The following PHTF2 variants were observed in gnomAD, a reference collection of about 807,000 sequenced individuals.
PHTF2 encodes protein PHTF2.
In PHTF2, 60 loss-of-function variants were observed where a neutral mutation model predicts 101.2. The ratio of observed to expected loss-of-function variants is 0.59; its 90% confidence interval spans 0.48 to 0.73. The LOEUF (loss-of-function observed/expected upper bound fraction) is 0.73. Among genes scored for constraint, PHTF2 ranks in the 30% least tolerant of loss-of-function variants. PHTF2 has a pLI of 0.00. For missense variants in PHTF2, 747 were observed against 908.7 expected (o/e 0.82, Z 2.29); for synonymous variants, 311 against 307.3 (o/e 1.01, Z -0.13).
intron 2 of PHTF2, among the ~76,000 whole-genome samples, chr7:77,849,292 TTA>T (rs748338272): frequency 6.7e-6 from 1 of 150,268 alleles, no homozygotes; most frequent in Admixed American, 6.7e-5. Context: ...CCTGGCTAAT[TTA>T]TATATATATA....
intron 7 of PHTF2, among the ~76,000 whole-genome samples, chr7:77,908,371 G>A (rs1202861272): frequency 6.6e-6 from 1 of 152,152 alleles, no homozygotes; most frequent in Non-Finnish European, 1.5e-5. Context: ...TAATTCTAAG[G>A]AGATAGACCT....
chr7:77,841,074 A>ATTTTTTTTTTTTTTT (rs1562863302), intron 2 of PHTF2, among the ~76,000 whole-genome samples: 5 of 51,402 alleles, frequency 9.7e-5, no homozygotes, highest in African/African-American at 5.5e-4. Flanking sequence ...GAAAAAACAG[A>ATTTTTTTTTTTTTTT]CTTTTTTTTT....
intron 5 of PHTF2, among the ~76,000 whole-genome samples, chr7:77,899,431 A>C (rs1292643163): frequency 6.6e-6 from 1 of 152,084 alleles, no homozygotes; most frequent in African/African-American, 2.4e-5. Context: ...GGTACAAAGA[A>C]ATTTTACCAA....
intron 1 of PHTF2, among the ~76,000 whole-genome samples, chr7:77,832,865 C>G (rs545149982): frequency 5.9e-5 from 9 of 152,102 alleles, no homozygotes; most frequent in Admixed American, 2.6e-4. Context: ...GCTCTCGAAT[C>G]ATCCCAAAAC....
chr7:77,854,670 G>T (rs1055923731), intron 2 of PHTF2: 44 of 696,426 alleles, frequency 6.3e-5, no homozygotes, highest in Non-Finnish European at 1.0e-4. Flanking sequence ...TGCTGCAGTT[G>T]TGTTGGCACC....
chr7:77,858,533 A>AGAAACAGACC (rs1305679917), intron 3 of PHTF2, among the ~76,000 whole-genome samples: 1 of 152,156 alleles, frequency 6.6e-6, no homozygotes, highest in Admixed American at 6.5e-5. Flanking sequence ...AGTTTCTTTG[A>AGAAACAGACC]GAAACAGACC....
chr7:77,817,905 C>T (rs1020023429), intron 1 of PHTF2, among the ~76,000 whole-genome samples: 5 of 151,848 alleles, frequency 3.3e-5, no homozygotes, highest in Non-Finnish European at 5.9e-5. Flanking sequence ...GTCAGCAGGT[C>T]GAGACCAGCC....
chr7:77,940,145 TCA>T lies in PHTF2; in HGVS notation c.1586_1587del (p.Thr529SerfsTer15), dbSNP rs1805518389. 6.2e-7 allele frequency: 1 copy of T among 1,613,784 alleles called. No individual in the cohort carries two copies. Among genetic ancestry groups the T allele is most frequent in the African/African-American group, 1.3e-5 (1 of 74,934 alleles). ...TCTCAAGCTACAGACTTGGAACAACTCACAGCACATTCTGCTTCAGAACTTTA... is the reference window on the plus strand; with the variant it reads ...TCTCAAGCTACAGACTTGGAACAACTCAGCACATTCTGCTTCAGAACTTTA... On this transcript the variant is annotated frameshift_variant, in exon 14 of 20. Coordinates refer to ENST00000416283, the Ensembl canonical transcript of PHTF2. LOFTEE classifies it high-confidence loss of function.
At chr7:77,844,186 A>G (rs1244781717) in intron 2 of PHTF2, among the ~76,000 whole-genome samples, 1 of 151,724 alleles carries the variant, frequency 6.6e-6, no homozygotes, top group African/African-American at 2.4e-5. Flanking sequence ...TTTTGACGGG[A>G]TTTCACCATG....
chr7:77,888,450 C>T (rs1262188246), intron 3 of PHTF2, among the ~76,000 whole-genome samples: 1 of 152,146 alleles, frequency 6.6e-6, no homozygotes, highest in African/African-American at 2.4e-5. Context: ...AACCTCTTTT[C>T]TGTGAACCTA....
intron 3 of PHTF2, among the ~76,000 whole-genome samples, chr7:77,886,416 C>G (rs951314236): frequency 1.3e-5 from 2 of 152,156 alleles, no homozygotes; most frequent in African/African-American, 4.8e-5. Flanking sequence ...TAGACAAAGG[C>G]AGTCTTTTTC....
chr7:77,874,712 T>C (rs1798790190), intron 3 of PHTF2, among the ~76,000 whole-genome samples: 1 of 152,212 alleles, frequency 6.6e-6, no homozygotes, highest in Non-Finnish European at 1.5e-5. Flanking sequence ...TAATCTCCTT[T>C]GGCAGCACCC....
chr7:77,932,522 G>C (rs1804660975), intron 12 of PHTF2, among the ~76,000 whole-genome samples: 1 of 151,722 alleles, frequency 6.6e-6, no homozygotes, highest in Non-Finnish European at 1.5e-5. Context: ...GGTGGTGAAG[G>C]CTTTAAGTTA....
chr7:77,821,316 A>G (rs1238905671), intron 1 of PHTF2, among the ~76,000 whole-genome samples: 1 of 152,026 alleles, frequency 6.6e-6, no homozygotes, highest in Non-Finnish European at 1.5e-5. Context: ...CTTGGAGAGG[A>G]TCTATTTGGG....
chr7:77,846,046 A>G (rs1288773224), intron 2 of PHTF2, among the ~76,000 whole-genome samples: 2 of 152,170 alleles, frequency 1.3e-5, no homozygotes, highest in African/African-American at 4.8e-5. Context: ...ATAAGCCCCA[A>G]GGTCCCTCCA....
intron 3 of PHTF2, among the ~76,000 whole-genome samples, chr7:77,881,154 A>G (rs1175806874): frequency 5.3e-5 from 8 of 152,176 alleles, no homozygotes; most frequent in Admixed American, 3.9e-4. Context: ...ACATTAATGT[A>G]TTTAACTGCC....
At chr7:77,942,626 C>T (rs894481441) in intron 15 of PHTF2, 74 bp from the exon 15 acceptor site, 28 of 797,408 alleles carry the variant, frequency 3.5e-5, no homozygotes, top group Non-Finnish European at 5.3e-5. Context: ...TTATTGAAAC[C>T]ATGGAAATTA....
At chr7:77,942,257 C>T (rs1805694175) in intron 15 of PHTF2, among the ~76,000 whole-genome samples, 1 of 152,192 alleles carries the variant, frequency 6.6e-6, no homozygotes, top group Non-Finnish European at 1.5e-5. Context: ...TCCCTTTTAG[C>T]ACTCATCACA....
intron 3 of PHTF2, among the ~76,000 whole-genome samples, chr7:77,882,531 A>G (rs117394297): frequency 0.022 from 3,365 of 152,250 alleles, 52 homozygotes; most frequent in Middle Eastern, 0.068. Flanking sequence ...GCTTATAGTC[A>G]ATAATATTTA....
Sources: allele counts gnomAD v4.1 joint callset (sites outside exome capture counted in the v4.1 genomes callset), GRCh38; gene constraint gnomAD v4.1.1; transcripts MANE v1.5; gene names NCBI Gene and HGNC (gene_info 2026-07-23, HGNC 2026-07-21).